The following PSMC2 variants were observed in gnomAD, a reference collection of about 807,000 sequenced individuals.
PSMC2 encodes the protein proteasome 26S subunit, ATPase 2.
PSMC2 carries 7 observed loss-of-function variants against 53.3 expected under a neutral mutation model. The ratio of observed to expected loss-of-function variants is 0.13; its 90% confidence interval spans 0.07 to 0.25. PSMC2 has a LOEUF of 0.25. PSMC2 is among the 10% of genes least tolerant of loss of function. PSMC2 has a pLI of 1.00. For missense variants in PSMC2, 241 were observed against 544.0 expected, an observed-to-expected ratio of 0.44 and a Z score of 5.54; for synonymous variants, 169 against 183.9, an observed-to-expected ratio of 0.92 and a Z score of 0.66.
intron 1 of PSMC2, among the ~76,000 whole-genome samples, chr7:103,353,280 A>G (rs1413612786): frequency 6.6e-6 from 1 of 152,014 alleles, no homozygotes; most frequent in African/African-American, 2.4e-5. Flanking sequence ...ATGTTCTGTT[A>G]TCATTTTAAA....
intron 5 of PSMC2, 31 bp downstream of exon 5, chr7:103,362,119 C>A (rs1178020267): frequency 3.1e-6 from 5 of 1,610,092 alleles, no homozygotes; most frequent in Non-Finnish European, 1.7e-6. Flanking sequence ...AAATACTTTT[C>A]TTTCACTAAG....
chr7:103,351,787 TCTG>T (rs1363108421), intron 1 of PSMC2, among the ~76,000 whole-genome samples: 1 of 152,142 alleles, frequency 6.6e-6, no homozygotes, highest in Non-Finnish European at 1.5e-5. Context: ...TATTGTGACT[TCTG>T]TTGTGTGGTA....
At chr7:103,350,657 T>A (rs1819708461) in intron 1 of PSMC2, among the ~76,000 whole-genome samples, 1 of 152,032 alleles carries the variant, frequency 6.6e-6, no homozygotes, top group South Asian at 2.1e-4. Context: ...CCATGCTCAT[T>A]TAAAACTTAT....
intron 4 of PSMC2, 147 bp downstream of exon 4, chr7:103,355,940 A>T (rs1820007232): frequency 1.9e-6 from 1 of 539,640 alleles, no homozygotes; most frequent in Admixed American, 3.2e-5. Context: ...TGGGGTTAAA[A>T]TTTTATGCCT....
intron 1 of PSMC2, among the ~76,000 whole-genome samples, chr7:103,352,215 TAAAAAAAAAAA>T (rs769618353): frequency 3.2e-4 from 13 of 40,618 alleles, no homozygotes; most frequent in South Asian, 3.6e-3. Context: ...CATACTTAGT[TAAAAAAAAAAA>T]AAAAAAAAAA....
In PSMC2 at chr7:103,348,364, CT is replaced by C. The variant is rs538337346; in HGVS notation, c.70+591del. Reference sequence around the variant, plus strand: ...TACAAGCAAGTGTGCTTATCTATTCCTTTTTTTTAACACAAATGTAGCATGC... The same window carrying C: ...TACAAGCAAGTGTGCTTATCTATTCCTTTTTTTAACACAAATGTAGCATGC... On this transcript the variant is annotated intron_variant, in intron 1 of 11. Coordinates refer to ENST00000292644, the MANE Select transcript of PSMC2 (RefSeq NM_002803.4). 5.7e-3 allele frequency among the ~76,000 whole-genome samples: 863 copies of C among 151,990 alleles called. 7 individuals carry two copies. The highest frequency in any genetic ancestry group is 0.015 in the African/African-American group (630 of 41,476).
At position 103,369,020 on chromosome 7, in the gene PSMC2, T is replaced by C. The variant is rs1820874209; in HGVS notation, c.*966T>C. On this transcript the variant is annotated 3_prime_UTR_variant, in exon 12 of 12. Coordinates refer to ENST00000292644, the MANE Select transcript of PSMC2 (RefSeq NM_002803.4). ...CCCCAATGCCAAGACCAAAGCACAA[T>C]AATGAATATTTTTATTGAAGTTCGA... 6.6e-6 allele frequency: 1 copy of C among 152,126 alleles called. No individual in the cohort carries two copies. The allele number at this position is 152,126 out of a possible 1,614,324, so 9.4% of individuals were successfully genotyped here.
Position 103,347,762 on chromosome 7 carries a change from G to A in PSMC2, c.51G>A (p.Lys17=), listed in dbSNP as rs61729405. The A allele has an allele frequency of 7.3e-4, 1,185 of 1,613,878 alleles. 6 individuals are homozygous for A. In the African/African-American group the frequency reaches 0.014, roughly 19 times the overall value. ...AGCGGAAGACCAAAGAGGATGAGAAGGACGACAAGCCCATCCGAGGTCAGT... is the reference window on the plus strand; with the variant it reads ...AGCGGAAGACCAAAGAGGATGAGAAAGACGACAAGCCCATCCGAGGTCAGT... ...ADQRKTKEDE[K]DDKPIRALDE... Residue 17 remains lysine (K), a synonymous_variant, in exon 1 of 12, where the codon AAG becomes AAA. Transcript: ENST00000292644.
chr7:103,361,367 A>G (rs1820391738), intron 4 of PSMC2, among the ~76,000 whole-genome samples: 1 of 145,698 alleles, frequency 6.9e-6, no homozygotes. Flanking sequence ...AAAATTAGCT[A>G]GGCATGGTGG....
intron 1 of PSMC2, among the ~76,000 whole-genome samples, chr7:103,348,408 CTTGA>C: frequency 6.6e-6 from 1 of 152,210 alleles, no homozygotes; most frequent in Non-Finnish European, 1.5e-5. Context: ...ACTTCAACAT[CTTGA>C]TTTTTAAAAA....
chr7:103,364,423 T>G, intron 8 of PSMC2, 116 bp downstream of exon 8: 1 of 1,198,448 alleles, frequency 8.3e-7, no homozygotes, highest in South Asian at 1.5e-5. Context: ...TTTTTTCTTT[T>G]GTTGAGACAG....
At chr7:103,355,006 A>C in intron 3 of PSMC2, 57 bp downstream of exon 3, 3 of 1,135,130 alleles carry the variant, frequency 2.6e-6, no homozygotes, top group Non-Finnish European at 4.0e-6. Flanking sequence ...GAATAATATC[A>C]AGAGTTTAAA....
rs1428544807 is a variant in PSMC2, at chr7:103,361,941, C to A, written c.291-16C>A. On this transcript the variant is annotated splice_polypyrimidine_tract_variant and intron_variant, in intron 4 of 11. Coordinates refer to ENST00000292644, the MANE Select transcript of PSMC2 (RefSeq NM_002803.4). ...GCTTAGGTTCCTTATTCTAATCAAG[C>A]TTTTTGCTGTGTTAGGTGTACAAAG... 1 of 1,592,990 alleles carries A rather than the reference C, an allele frequency of 6.3e-7. No individual in the cohort carries two copies. The highest frequency in any genetic ancestry group is 8.5e-7 in the Non-Finnish European group (1 of 1,173,956).
intron 9 of PSMC2, among the ~76,000 whole-genome samples, chr7:103,366,808 T>G (rs1374851999): frequency 2.7e-5 from 4 of 148,788 alleles, no homozygotes; most frequent in Non-Finnish European, 6.0e-5. Flanking sequence ...AAATCTAGAC[T>G]TTTTTTTTTG....
At chr7:103,354,360 A>T (rs1025225362) in intron 2 of PSMC2, among the ~76,000 whole-genome samples, 5 of 150,698 alleles carry the variant, frequency 3.3e-5, no homozygotes, top group Non-Finnish European at 7.4e-5. Context: ...ATAATTTCAC[A>T]CACGATTTTT....
intron 4 of PSMC2, among the ~76,000 whole-genome samples, chr7:103,357,818 C>T (rs539800275): frequency 6.6e-6 from 1 of 152,206 alleles, no homozygotes; most frequent in East Asian, 1.9e-4. Flanking sequence ...ACTCAACCTC[C>T]CACTTTCTCT....
At chr7:103,347,955 C>A (rs564802494) in intron 1 of PSMC2, among the ~76,000 whole-genome samples, 174 bp downstream of exon 1, 33 of 152,200 alleles carry the variant, frequency 2.2e-4, no homozygotes, top group Admixed American at 3.9e-4. Flanking sequence ...CAGTCTCCCT[C>A]ATCCACTACA....
intron 4 of PSMC2, among the ~76,000 whole-genome samples, chr7:103,358,488 C>T (rs963136354): frequency 6.6e-6 from 1 of 152,088 alleles, no homozygotes; most frequent in Non-Finnish European, 1.5e-5. Flanking sequence ...GCTAATCTTT[C>T]CTTCCTGTTT....
chr7:103,364,529 C>T (rs1820588701), intron 8 of PSMC2, among the ~76,000 whole-genome samples: 1 of 152,144 alleles, frequency 6.6e-6, no homozygotes, highest in Non-Finnish European at 1.5e-5. Context: ...CCCATCTCAG[C>T]CTCTCAGGTA....
Sources: allele counts gnomAD v4.1 joint callset (sites outside exome capture counted in the v4.1 genomes callset), GRCh38; gene constraint gnomAD v4.1.1; transcripts MANE v1.5; gene names NCBI Gene and HGNC (gene_info 2026-07-23, HGNC 2026-07-21).